KCND3: variants seen among roughly 807,000 people sequenced by gnomAD.
The protein encoded by KCND3 is potassium voltage-gated channel subfamily D member 3.
KCND3 carries 9 observed loss-of-function variants against 51.1 expected under a neutral mutation model. The ratio of observed to expected loss-of-function variants is 0.18; its 90% CI spans 0.11 to 0.31. The LOEUF (loss-of-function observed/expected upper bound fraction) is 0.31, where lower values mean the gene tolerates loss of function less well. KCND3 is among the 10% of genes least tolerant of loss of function. KCND3 has a pLI of 1.00. For synonymous variants in KCND3, 349 were observed against 368.0 expected (o/e 0.95, Z 0.59); for missense variants, 526 against 903.8 (o/e 0.58, Z 5.36).
chr1:111,927,503 G>T (rs910782470), intron 2 of KCND3, among the ~76,000 whole-genome samples: 1 of 152,238 alleles, frequency 6.6e-6, no homozygotes, highest in African/African-American at 2.4e-5. Context: ...GTAGCTGACT[G>T]CATTACAGGT....
At chr1:111,835,735 TC>T (rs1029172268) in intron 2 of KCND3, among the ~76,000 whole-genome samples, 1 of 152,254 alleles carries the variant, frequency 6.6e-6, no homozygotes, top group African/African-American at 2.4e-5. Flanking sequence ...CCTGCCCTTT[TC>T]CCAGAAAACT....
chr1:111,885,421 A>G (rs1183433319), intron 2 of KCND3, among the ~76,000 whole-genome samples: 2 of 152,252 alleles, frequency 1.3e-5, no homozygotes, highest in Non-Finnish European at 2.9e-5. Context: ...AGGATTCACA[A>G]GGATTCCAGA....
intron 2 of KCND3, among the ~76,000 whole-genome samples, chr1:111,869,903 G>A (rs1374923913): frequency 1.5e-5 from 1 of 66,622 alleles, no homozygotes; most frequent in African/African-American, 3.7e-5. Flanking sequence ...CCAAAAGAAT[G>A]AACACACACA....
intron 2 of KCND3, among the ~76,000 whole-genome samples, chr1:111,847,598 A>T (rs1179825870): frequency 6.6e-6 from 1 of 152,206 alleles, no homozygotes; most frequent in Non-Finnish European, 1.5e-5. Flanking sequence ...TGGGTGTATC[A>T]GTCCCCATTC....
chr1:111,942,669 C>T (rs747224416), intron 2 of KCND3, among the ~76,000 whole-genome samples: 3 of 152,206 alleles, frequency 2.0e-5, no homozygotes, highest in African/African-American at 4.8e-5. Context: ...CTGGGATTGC[C>T]GCCCCAAGTC....
At chr1:111,935,789 A>G (rs1233321500) in intron 2 of KCND3, among the ~76,000 whole-genome samples, 1 of 152,206 alleles carries the variant, frequency 6.6e-6, no homozygotes, top group East Asian at 1.9e-4. Context: ...CAAGGGTCCT[A>G]TAGCCCTGAC....
chr1:111,776,979 A>G (rs1221483051), intron 7 of KCND3, 47 bp downstream of exon 7: 2 of 1,611,792 alleles, frequency 1.2e-6, no homozygotes, highest in South Asian at 2.2e-5. Context: ...AATTCTGTGA[A>G]TGGGATGATT....
intron 2 of KCND3, among the ~76,000 whole-genome samples, chr1:111,862,909 G>A (rs566438329): frequency 6.6e-6 from 1 of 152,354 alleles, no homozygotes; most frequent in Admixed American, 6.5e-5. Flanking sequence ...AGGTGGAGGT[G>A]TGAGGACACT....
chr1:111,946,652 T>C (rs1672792313), intron 2 of KCND3, among the ~76,000 whole-genome samples: 1 of 152,244 alleles, frequency 6.6e-6, no homozygotes, highest in African/African-American at 2.4e-5. Flanking sequence ...CTCCTTTTAA[T>C]ACTCCCCCAG....
chr1:111,871,003 C>T lies in KCND3; in HGVS notation c.1107-83897G>A, dbSNP rs79024956. ...AGTGAGAGATCTGAAGAGGAAAGGG[C>T]GGGCTCTAGCTGGATCAACTCTGTG... On this transcript the variant is annotated intron_variant, in intron 2 of 7. Coordinates refer to ENST00000302127, the MANE Select transcript of KCND3 (RefSeq NM_001378969.1). Among the ~76,000 whole-genome samples the T allele has an allele frequency of 4.7e-3, 709 of 152,246 alleles. 4 individuals carry two copies. Among genetic ancestry groups the T allele is most frequent in the African/African-American group, 0.016 (668 of 41,540 alleles).
At chr1:111,915,480 C>A (rs1185055652) in intron 2 of KCND3, among the ~76,000 whole-genome samples, 2 of 152,066 alleles carry the variant, frequency 1.3e-5, no homozygotes, top group Non-Finnish European at 2.9e-5. Context: ...AGGCCGGGTG[C>A]AGTGGCTCAT....
At chr1:111,943,322 C>T in intron 2 of KCND3, among the ~76,000 whole-genome samples, 1 of 152,184 alleles carries the variant, frequency 6.6e-6, no homozygotes, top group East Asian at 1.9e-4. Flanking sequence ...CCATGGAGCG[C>T]ACCATGCCCA....
At chr1:111,974,946 G>A (rs1571928963) in intron 2 of KCND3, among the ~76,000 whole-genome samples, 2 of 152,240 alleles carry the variant, frequency 1.3e-5, no homozygotes, top group African/African-American at 2.4e-5. Context: ...CCGGTGTGAA[G>A]CACCCAAAAG....
intron 3 of KCND3, among the ~76,000 whole-genome samples, chr1:111,782,027 A>ACCCATCC (rs1166019201): frequency 4.5e-4 from 69 of 152,204 alleles, no homozygotes; most frequent in Middle Eastern, 6.8e-3. Flanking sequence ...GCCCACAAGG[A>ACCCATCC]TAGCAGACCC....
intron 2 of KCND3, among the ~76,000 whole-genome samples, chr1:111,844,655 G>C (rs1399944478): frequency 1.3e-5 from 2 of 152,192 alleles, no homozygotes; most frequent in African/African-American, 4.8e-5. Flanking sequence ...CTTCACTTGA[G>C]ACAGAAGATC....
chr1:111,848,552 A>G (rs559091531), intron 2 of KCND3, among the ~76,000 whole-genome samples: 1 of 152,256 alleles, frequency 6.6e-6, no homozygotes, highest in Admixed American at 6.5e-5. Context: ...GCCAAACCTG[A>G]AGGCCTCAGA....
chr1:111,963,820 G>A (rs1195558779), intron 2 of KCND3, among the ~76,000 whole-genome samples: 4 of 152,182 alleles, frequency 2.6e-5, no homozygotes, highest in Non-Finnish European at 4.4e-5. Context: ...GGACAGAAAC[G>A]CCTAGGCAGG....
intron 2 of KCND3, among the ~76,000 whole-genome samples, chr1:111,914,543 G>T (rs193153903): frequency 1.3e-5 from 2 of 152,234 alleles, no homozygotes; most frequent in Non-Finnish European, 2.9e-5. Flanking sequence ...GTGGAAAAAG[G>T]ACATTACACA....
chr1:111,868,960 G>A (rs777085799), intron 2 of KCND3, among the ~76,000 whole-genome samples: 3 of 152,090 alleles, frequency 2.0e-5, no homozygotes, highest in Admixed American at 6.5e-5. Flanking sequence ...CTAGGCTAAC[G>A]TAACTGGTTT....
Sources: gnomAD v4.1 joint callset for allele counts (sites outside exome capture counted in the v4.1 genomes callset) on GRCh38, gnomAD v4.1.1 for gene constraint, MANE v1.5 for transcripts, NCBI Gene and HGNC (gene_info 2026-07-23, HGNC 2026-07-21) for gene names.